The following TP63 variants were observed in gnomAD, a reference collection of about 807,000 sequenced individuals.
TP63 encodes the protein tumor protein p63, also known as tumor protein 63.
A neutral mutation model predicts 82.8 loss-of-function variants in TP63; 17 were observed. The observed-to-expected ratio is 0.21, with a 90% CI of 0.14 to 0.31. The LOEUF is 0.31. TP63 is among the 10% of genes least tolerant of loss of function. The pLI is 1.00. For synonymous variants in TP63, 330 were observed against 321.7 expected (o/e 1.03, Z -0.28); for missense variants, 648 against 895.3 (o/e 0.72, Z 3.52).
intron 10 of TP63, among the ~76,000 whole-genome samples, chr3:189,873,910 C>CT (rs1227792512): frequency 2.0e-5 from 3 of 152,178 alleles, no homozygotes; most frequent in Non-Finnish European, 2.9e-5. Flanking sequence ...GTAATGTAGA[C>CT]TTTCAACTTC....
rs113369253 is a variant in TP63, at chr3:189,664,165, G to A, written c.62+32588G>A. ...CATCTTTCCTATCCCCCCAAGCCCT[G>A]CCTTTAAAGGGTTTAAGAGCTTTTT... On this transcript the variant is annotated intron_variant, in intron 1 of 13. Transcript: ENST00000264731. Among the ~76,000 whole-genome samples, 1,240 of 152,056 alleles carry A rather than the reference G, an allele frequency of 8.2e-3. 22 individuals carry two copies. Among genetic ancestry groups the A allele is most frequent in the African/African-American group, 0.029 (1,183 of 41,486 alleles).
intron 3 of TP63, among the ~76,000 whole-genome samples, chr3:189,797,705 G>T (rs1332798750): frequency 1.3e-5 from 2 of 152,036 alleles, no homozygotes; most frequent in African/African-American, 4.8e-5. Flanking sequence ...GTAACACTGG[G>T]TGAGGCAGGA....
chr3:189,714,737 C>CAAAG (rs1036040130), intron 1 of TP63, among the ~76,000 whole-genome samples: 1 of 152,094 alleles, frequency 6.6e-6, no homozygotes, highest in Non-Finnish European at 1.5e-5. Context: ...ACATAAATGA[C>CAAAG]AAAGAGTTAA....
intron 3 of TP63, among the ~76,000 whole-genome samples, chr3:189,769,801 G>A (rs1200878029): frequency 6.6e-6 from 1 of 152,086 alleles, no homozygotes; most frequent in Non-Finnish European, 1.5e-5. Flanking sequence ...GCATAAAAGT[G>A]TCCCTATTTT....
At chr3:189,735,056 C>T (rs913891662) in intron 1 of TP63, among the ~76,000 whole-genome samples, 4 of 152,134 alleles carry the variant, frequency 2.6e-5, no homozygotes, top group Admixed American at 2.6e-4. Flanking sequence ...GTCAAGGTTG[C>T]GAATGACCTC....
At chr3:189,759,693 T>G (rs1292467914) in intron 3 of TP63, among the ~76,000 whole-genome samples, 1 of 152,008 alleles carries the variant, frequency 6.6e-6, no homozygotes, top group African/African-American at 2.4e-5. Flanking sequence ...TAGAAAGGAG[T>G]GTCTGCGTTG....
intron 4 of TP63, among the ~76,000 whole-genome samples, chr3:189,859,864 G>A (rs1011138725): frequency 1.3e-5 from 2 of 152,040 alleles, no homozygotes; most frequent in Admixed American, 6.6e-5. Flanking sequence ...AATCTCAAAA[G>A]CCTTATCACA....
chr3:189,760,402 C>T (rs1722479432), intron 3 of TP63, among the ~76,000 whole-genome samples: 1 of 152,034 alleles, frequency 6.6e-6, no homozygotes, highest in Non-Finnish European at 1.5e-5. Flanking sequence ...AGAAATTGGC[C>T]AAAACAAAGG....
chr3:189,801,746 G>T (rs1726327526), intron 3 of TP63, among the ~76,000 whole-genome samples: 1 of 152,130 alleles, frequency 6.6e-6, no homozygotes, highest in Admixed American at 6.5e-5. Flanking sequence ...GCACTCAAAG[G>T]AATCTTGACA....
In TP63 at chr3:189,785,492, TAAGAG is replaced by T. The variant is rs570869994; in HGVS notation, c.325-22776_325-22772del. ...TGCTTTTATTTATATTCATATAAAA[TAAGAG>T]AAGGTTTAACTTCAACTAGGGTTTA... is the stretch of plus-strand genomic sequence containing the variant. On this transcript the variant is annotated intron_variant, in intron 3 of 13. Coordinates refer to ENST00000264731, the MANE Select transcript of TP63 (RefSeq NM_003722.5). Among the ~76,000 whole-genome samples the T allele has an allele frequency of 4.6e-5, 7 of 152,210 alleles. No individual in the cohort carries two copies. In the South Asian group the frequency reaches 1.2e-3, roughly 27 times the overall value.
At chr3:189,759,567 G>A (rs1722419203) in intron 3 of TP63, among the ~76,000 whole-genome samples, 1 of 152,102 alleles carries the variant, frequency 6.6e-6, no homozygotes, top group African/African-American at 2.4e-5. Flanking sequence ...TACATATGAG[G>A]TATACATTAG....
chr3:189,687,332 A>G (rs1028713105), intron 1 of TP63, among the ~76,000 whole-genome samples: 1 of 152,168 alleles, frequency 6.6e-6, no homozygotes, highest in Non-Finnish European at 1.5e-5. Context: ...ATCCAATCCC[A>G]TCATTTTAGA....
intron 1 of TP63, among the ~76,000 whole-genome samples, chr3:189,671,019 A>G (rs780192996): frequency 1.3e-5 from 2 of 152,146 alleles, no homozygotes; most frequent in Non-Finnish European, 2.9e-5. Context: ...AACAAAAACA[A>G]AAAGACAAAT....
the TP63 span, among the ~76,000 whole-genome samples, chr3:189,621,015 T>C: frequency 4.6e-5 from 7 of 152,234 alleles, no homozygotes; most frequent in Non-Finnish European, 7.3e-5. Flanking sequence ...ATAGTTTTTA[T>C]AGGGTAGAAC....
At chr3:189,829,172 A>C (rs757925004) in intron 4 of TP63, among the ~76,000 whole-genome samples, 4 of 152,190 alleles carry the variant, frequency 2.6e-5, no homozygotes, top group Non-Finnish European at 5.9e-5. Flanking sequence ...TACCAAATCT[A>C]ACTATAGGAG....
intron 1 of TP63, among the ~76,000 whole-genome samples, chr3:189,676,467 A>G (rs1030062440): frequency 3.3e-5 from 5 of 152,030 alleles, no homozygotes; most frequent in Admixed American, 6.6e-5. Context: ...CAGTTATATC[A>G]TGTTGCAAAT....
intron 1 of TP63, among the ~76,000 whole-genome samples, chr3:189,639,241 C>T (rs1253760649): frequency 6.6e-6 from 1 of 152,116 alleles, no homozygotes; most frequent in Non-Finnish European, 1.5e-5. Context: ...TTACACACTT[C>T]CCAACCTCTG....
In TP63 at chr3:189,894,392, A is replaced by G. The variant is rs1176713026; in HGVS notation, c.1933A>G (p.Thr645Ala). 2 of 1,613,568 alleles carry G rather than the reference A, an allele frequency of 1.2e-6. No homozygotes were observed. Among genetic ancestry groups the G allele is most frequent in the Non-Finnish European group, 8.5e-7 (1 of 1,179,928 alleles). The change falls in exon 14 of 14, where the codon ACC becomes GCC. Residue 645 changes from threonine to alanine, a missense_variant. Physicochemically the swap from Thr to Ala is moderately conservative, Grantham distance 58 (BLOSUM62 0). Around this residue, in one of 5 missense-constraint regions of TP63, gnomAD observed 342 missense variants for 425.7 expected, o/e 0.80. Coordinates refer to ENST00000264731, the MANE Select transcript of TP63 (RefSeq NM_003722.5). ...GCGTGTTATTGATGCTGTGCGATTC[A>G]CCCTCCGCCAGACCATCTCTTTCCC... ...GERVIDAVRF[T>A]LRQTISFPPR...
intron 3 of TP63, among the ~76,000 whole-genome samples, chr3:189,792,872 CT>C (rs1342651264): frequency 6.6e-6 from 1 of 152,014 alleles, no homozygotes; most frequent in Non-Finnish European, 1.5e-5. Flanking sequence ...TAATTGACTT[CT>C]TTGTCTGCTT....
Sources: allele counts gnomAD v4.1 joint callset (sites outside exome capture counted in the v4.1 genomes callset), GRCh38; gene constraint gnomAD v4.1.1; regional missense constraint gnomAD v4.1.1; transcripts MANE v1.5; gene names NCBI Gene and HGNC (gene_info 2026-07-23, HGNC 2026-07-21).